DGKB: variants seen among roughly 807,000 people sequenced by gnomAD.
DGKB encodes diacylglycerol kinase beta, also known as 90 kDa diacylglycerol kinase.
In DGKB, 67 loss-of-function variants were observed where a neutral mutation model predicts 114.3. The observed-to-expected ratio is 0.59, with a 90% CI of 0.48 to 0.72. DGKB has a LOEUF of 0.72. DGKB is among the 30% of genes least tolerant of loss of function. The pLI is 0.00. For synonymous variants in DGKB, 398 were observed against 323.1 expected, an observed-to-expected ratio of 1.23 and a Z score of -2.49; for missense variants, 907 against 975.2, an observed-to-expected ratio of 0.93 and a Z score of 0.93.
chr7:14,198,728 C>T (rs1476953404), intron 23 of DGKB, among the ~76,000 whole-genome samples: 1 of 151,948 alleles, frequency 6.6e-6, no homozygotes, highest in Non-Finnish European at 1.5e-5. Flanking sequence ...AGCAAGAGTA[C>T]TGGCCACAGT....
chr7:14,838,467 A>G (rs943445825), intron 2 of DGKB, among the ~76,000 whole-genome samples: 3 of 152,188 alleles, frequency 2.0e-5, no homozygotes, highest in African/African-American at 7.2e-5. Flanking sequence ...TGCTTTCTTT[A>G]CTTGACAGAT....
At chr7:14,331,571 C>G (rs1462835893) in intron 23 of DGKB, among the ~76,000 whole-genome samples, 1 of 151,908 alleles carries the variant, frequency 6.6e-6, no homozygotes, top group African/African-American at 2.4e-5. Flanking sequence ...ATAAGAATAA[C>G]TTTTACAAGG....
chr7:14,224,632 G>A (rs1298923240), intron 23 of DGKB, among the ~76,000 whole-genome samples: 2 of 151,710 alleles, frequency 1.3e-5, no homozygotes, highest in African/African-American at 2.4e-5. Flanking sequence ...ACTCACATTG[G>A]GACTTGTTTG....
At chr7:14,163,910 G>A (rs969056978) in intron 25 of DGKB, among the ~76,000 whole-genome samples, 1 of 151,880 alleles carries the variant, frequency 6.6e-6, no homozygotes, top group African/African-American at 2.4e-5. Context: ...CAGGAGAATC[G>A]CTTGAACCTG....
rs1781504364 is a variant in DGKB, at chr7:14,146,617, C to T, written c.*2514G>A. On this transcript the variant is annotated 3_prime_UTR_variant, in exon 26 of 26. Transcript: ENST00000402815. ...TGAGAATATCTTCTCTGATTTCAAA[C>T]CCATCAAGTTACGTTTTTAAAAACT... 6.6e-6 allele frequency: 1 copy of T among 152,080 alleles called. No homozygotes were observed. Among genetic ancestry groups the T allele is most frequent in the Non-Finnish European group, 1.5e-5 (1 of 68,010 alleles). 9.4% of individuals were successfully genotyped at this position (152,080 alleles called of 1,614,324 possible).
chr7:14,791,201 G>T (rs1319595813), intron 2 of DGKB, among the ~76,000 whole-genome samples: 1 of 152,072 alleles, frequency 6.6e-6, no homozygotes, highest in Non-Finnish European at 1.5e-5. Context: ...ATTTTGGGGA[G>T]TTGTAAATGA....
At chr7:14,567,939 C>T (rs1423746269) in intron 20 of DGKB, among the ~76,000 whole-genome samples, 2 of 151,888 alleles carry the variant, frequency 1.3e-5, no homozygotes, top group African/African-American at 2.4e-5. Context: ...ACTCCCATAA[C>T]CCTAGAGCCT....
intron 2 of DGKB, among the ~76,000 whole-genome samples, chr7:14,776,041 T>A (rs76590541): frequency 0.02 from 3,021 of 152,106 alleles, 80 homozygotes; most frequent in African/African-American, 0.064. Context: ...AAGTCCAAGC[T>A]GAGGTGGTCT....
intron 23 of DGKB, among the ~76,000 whole-genome samples, chr7:14,231,838 A>C (rs550918293): frequency 5.3e-5 from 8 of 152,050 alleles, no homozygotes; most frequent in Non-Finnish European, 8.8e-5. Context: ...AAGTTTTGAC[A>C]TTTCTAAGGA....
At chr7:14,797,932 G>A (rs543286910) in intron 2 of DGKB, among the ~76,000 whole-genome samples, 1 of 152,144 alleles carries the variant, frequency 6.6e-6, no homozygotes, top group African/African-American at 2.4e-5. Context: ...ATGGACACCG[G>A]AGAGTGAATA....
intron 9 of DGKB, 115 bp downstream of exon 9, chr7:14,693,960 G>T: frequency 8.3e-7 from 1 of 1,200,860 alleles, no homozygotes; most frequent in Non-Finnish European, 1.1e-6. Context: ...AAAGTTCCAG[G>T]CACTCACTGC....
At chr7:14,537,565 G>C (rs150336989) in intron 20 of DGKB, among the ~76,000 whole-genome samples, 79 of 152,240 alleles carry the variant, frequency 5.2e-4, no homozygotes, top group African/African-American at 1.9e-3. Context: ...CATGGTGTTT[G>C]TAAAATTAGA....
intron 2 of DGKB, among the ~76,000 whole-genome samples, chr7:14,810,828 C>T (rs10257298): frequency 0.094 from 14,336 of 152,186 alleles, 814 homozygotes; most frequent in East Asian, 0.24. Flanking sequence ...AGGCTGATTT[C>T]GAACTCCTGG....
At chr7:14,865,267 T>G (rs1005141597) in intron 1 of DGKB, among the ~76,000 whole-genome samples, 4 of 152,186 alleles carry the variant, frequency 2.6e-5, no homozygotes, top group Non-Finnish European at 4.4e-5. Flanking sequence ...TCCATTGCCT[T>G]TTCTCCTACT....
At chr7:14,250,582 T>A (rs1228588169) in intron 23 of DGKB, among the ~76,000 whole-genome samples, 1 of 152,152 alleles carries the variant, frequency 6.6e-6, no homozygotes. Flanking sequence ...TTCTGGAGAA[T>A]ATTCTGTGTG....
At chr7:14,576,796 T>C (rs569838638) in intron 19 of DGKB, among the ~76,000 whole-genome samples, 2 of 152,252 alleles carry the variant, frequency 1.3e-5, no homozygotes, top group Admixed American at 1.3e-4. Flanking sequence ...CTTAAAATCT[T>C]TACCACTGGA....
intron 4 of DGKB, among the ~76,000 whole-genome samples, chr7:14,748,885 A>G (rs1326608401): frequency 6.6e-6 from 1 of 152,218 alleles, no homozygotes; most frequent in Non-Finnish European, 1.5e-5. Flanking sequence ...ACTGTTTGAA[A>G]CCACAAAGAA....
At chr7:14,836,444 G>A (rs989823987) in intron 2 of DGKB, among the ~76,000 whole-genome samples, 8 of 152,008 alleles carry the variant, frequency 5.3e-5, no homozygotes, top group African/African-American at 1.9e-4. Flanking sequence ...ACAATACGTG[G>A]GCAGATAATG....
At chr7:14,198,132 C>T (rs1347641668) in intron 23 of DGKB, among the ~76,000 whole-genome samples, 1 of 151,956 alleles carries the variant, frequency 6.6e-6, no homozygotes, top group Admixed American at 6.6e-5. Flanking sequence ...CTGTAGGAGT[C>T]CTAATTTGAG....
Sources: gnomAD v4.1 joint callset for allele counts (sites outside exome capture counted in the v4.1 genomes callset) on GRCh38, gnomAD v4.1.1 for gene constraint, MANE v1.5 for transcripts, NCBI Gene and HGNC (gene_info 2026-07-23, HGNC 2026-07-21) for gene names.